The following CAPN5 variants were observed in gnomAD, a reference collection of about 807,000 sequenced individuals.
CAPN5 encodes calpain-5.
A neutral mutation model predicts 73.0 loss-of-function variants in CAPN5; 54 were observed. The ratio of observed to expected loss-of-function variants is 0.74; its 90% CI spans 0.59 to 0.93. The LOEUF (loss-of-function observed/expected upper bound fraction) is 0.93, where lower values mean the gene tolerates loss of function less well. Ranked by LOEUF, CAPN5 falls within the 40% of genes least tolerant of loss-of-function variation. The pLI, the probability that CAPN5 is intolerant of heterozygous loss-of-function variation, is 0.00. For missense variants in CAPN5, 785 were observed against 882.9 expected (o/e 0.89, Z 1.41); for synonymous variants, 335 against 356.9 (o/e 0.94, Z 0.69).
chr11:77,111,432 C>T (rs1402920123), intron 3 of CAPN5, among the ~76,000 whole-genome samples: 7 of 152,116 alleles, frequency 4.6e-5, no homozygotes, highest in African/African-American at 1.7e-4. Flanking sequence ...CCTCTCTGGG[C>T]CACAGTATTG....
At chr11:77,078,913 T>C (rs782327057) in intron 1 of CAPN5, among the ~76,000 whole-genome samples, 2 of 152,190 alleles carry the variant, frequency 1.3e-5, no homozygotes, top group Non-Finnish European at 2.9e-5. Context: ...TACTGATTTC[T>C]GTGTATTCCT....
At chr11:77,070,002 C>T (rs1402244479) in intron 1 of CAPN5, among the ~76,000 whole-genome samples, 1 of 152,108 alleles carries the variant, frequency 6.6e-6, no homozygotes, top group Admixed American at 6.5e-5. Context: ...GGCAAAGGGG[C>T]CAGGTCCCTT....
chr11:77,113,390 G>C (rs1950431756), intron 4 of CAPN5, among the ~76,000 whole-genome samples: 1 of 152,244 alleles, frequency 6.6e-6, no homozygotes, highest in Admixed American at 6.5e-5. Flanking sequence ...CCCTGGGGAA[G>C]AGTGACTCGC....
At chr11:77,106,994 G>A (rs565720318) in intron 3 of CAPN5, among the ~76,000 whole-genome samples, 4 of 152,210 alleles carry the variant, frequency 2.6e-5, no homozygotes, top group Non-Finnish European at 5.9e-5. Context: ...AGGCCCGGGG[G>A]AAGGGGGACT....
intron 12 of CAPN5, among the ~76,000 whole-genome samples, chr11:77,123,098 G>A (rs530646285): frequency 7.9e-5 from 12 of 152,344 alleles, no homozygotes; most frequent in African/African-American, 2.4e-4. Context: ...CTTGGGCAGG[G>A]GATAGAAAGC....
At chr11:77,112,909 T>A (rs775990506) in intron 4 of CAPN5, 112 bp downstream of exon 4, 1 of 1,022,470 alleles carries the variant, frequency 9.8e-7, no homozygotes, top group Non-Finnish European at 1.5e-6. Context: ...AGTGAGGGGC[T>A]GGTGCAGGCA....
At chr11:77,082,621 G>T (rs1950039423) in intron 1 of CAPN5, among the ~76,000 whole-genome samples, 2 of 152,200 alleles carry the variant, frequency 1.3e-5, no homozygotes, top group Admixed American at 1.3e-4. Flanking sequence ...GGCAGGTGAG[G>T]CTGGAGGGAT....
intron 1 of CAPN5, among the ~76,000 whole-genome samples, chr11:77,079,613 T>C (rs1950008923): frequency 6.6e-6 from 1 of 152,240 alleles, no homozygotes; most frequent in South Asian, 2.1e-4. Flanking sequence ...ACATGGTTTT[T>C]GGTGAATATG....
intron 1 of CAPN5, among the ~76,000 whole-genome samples, chr11:77,075,489 T>A (rs1317638639): frequency 1.3e-5 from 2 of 152,146 alleles, no homozygotes; most frequent in African/African-American, 4.8e-5. Flanking sequence ...AGCCTGCGTG[T>A]GACAAAGGCT....
intron 3 of CAPN5, 148 bp from the exon 4 acceptor site, chr11:77,112,441 G>T: frequency 1.5e-6 from 1 of 657,338 alleles, no homozygotes; most frequent in South Asian, 1.8e-5. Context: ...ATTCATCCGG[G>T]TCTCACGAAG....
At chr11:77,116,451 T>C in intron 7 of CAPN5, 148 bp downstream of exon 7, 1 of 677,694 alleles carries the variant, frequency 1.5e-6, no homozygotes, top group East Asian at 2.7e-5. Context: ...TCACACCATC[T>C]CAGAGCCTGT....
intron 2 of CAPN5, among the ~76,000 whole-genome samples, chr11:77,090,069 G>T (rs1555036238): frequency 6.6e-6 from 1 of 152,146 alleles, no homozygotes; most frequent in South Asian, 2.1e-4. Context: ...GGGTTGTTTT[G>T]CACAGTGCCT....
At chr11:77,081,674 C>T (rs542182500) in intron 1 of CAPN5, among the ~76,000 whole-genome samples, 5 of 152,268 alleles carry the variant, frequency 3.3e-5, no homozygotes, top group Admixed American at 6.5e-5. Context: ...CTCAGGACAG[C>T]GGGGGCCTGG....
At chr11:77,098,476 A>G (rs1265337566) in intron 3 of CAPN5, among the ~76,000 whole-genome samples, 80 of 76,660 alleles carry the variant, frequency 1.0e-3, no homozygotes, top group Middle Eastern at 0.011. Flanking sequence ...CTCACCTCCC[A>G]GACGGGGCGG....
At chr11:77,103,076 C>T in intron 3 of CAPN5, 1 of 1,613,848 alleles carries the variant, frequency 6.2e-7, no homozygotes, top group Non-Finnish European at 8.5e-7. Flanking sequence ...GCAAGGTCAC[C>T]ATCACAGGCA....
chr11:77,084,736 C>T, intron 1 of CAPN5, 116 bp from the exon 2 acceptor site: 1 of 866,218 alleles, frequency 1.2e-6, no homozygotes, highest in Non-Finnish European at 1.8e-6. Context: ...TGGGTAGGCT[C>T]CACGCCTCGC....
At chr11:77,112,910 G>T in intron 4 of CAPN5, 113 bp downstream of exon 4, 1 of 1,012,832 alleles carries the variant, frequency 9.9e-7, no homozygotes, top group Non-Finnish European at 1.5e-6. Context: ...GTGAGGGGCT[G>T]GTGCAGGCAC....
intron 3 of CAPN5, among the ~76,000 whole-genome samples, chr11:77,099,979 G>A (rs1311321863): frequency 1.3e-5 from 2 of 152,092 alleles, no homozygotes; most frequent in East Asian, 3.9e-4. Context: ...TGGGATTACA[G>A]GCGCCTGCCA....
Position 77,115,453 on chromosome 11 carries a change from C to CAT in CAPN5, c.760_761dup (p.Ala255ThrfsTer26). Reference sequence around the variant, plus strand: ...GCGTGCGGCCTGGTAAAGGGCCACGCATACGCCGTCACTGATGTGCGCAAG... The same window carrying CAT: ...GCGTGCGGCCTGGTAAAGGGCCACGCATATACGCCGTCACTGATGTGCGCAAG... On this transcript the variant is annotated frameshift_variant, in exon 6 of 13. Transcript: ENST00000648180. LOFTEE classifies it high-confidence loss of function. 2 of 1,612,780 alleles carry CAT rather than the reference C, an allele frequency of 1.2e-6. No homozygotes were observed. Among genetic ancestry groups the CAT allele is most frequent in the South Asian group, 1.1e-5 (1 of 91,038 alleles).
Sources: allele counts gnomAD v4.1 joint callset (sites outside exome capture counted in the v4.1 genomes callset), GRCh38; gene constraint gnomAD v4.1.1; transcripts MANE v1.5; gene names NCBI Gene and HGNC (gene_info 2026-07-23, HGNC 2026-07-21).